ROBO2: variants seen among roughly 807,000 people sequenced by gnomAD.
ROBO2 encodes roundabout guidance receptor 2.
Under a neutral mutation model 160.8 loss-of-function variants are expected in ROBO2, and 53 were observed. That is an observed-to-expected ratio of 0.33 (90% CI 0.26 to 0.41). The LOEUF (loss-of-function observed/expected upper bound fraction) is 0.41. Ranked by LOEUF, ROBO2 falls within the 10% of genes least tolerant of loss-of-function variation. The pLI is 1.00. For synonymous variants in ROBO2, 664 were observed against 611.7 expected, an observed-to-expected ratio of 1.09 and a Z score of -1.26; for missense variants, 1,577 against 1,722.4, an observed-to-expected ratio of 0.92 and a Z score of 1.49.
intron 2 of ROBO2, among the ~76,000 whole-genome samples, chr3:77,218,430 A>T (rs1367094846): frequency 6.7e-6 from 1 of 149,166 alleles, no homozygotes; most frequent in South Asian, 2.1e-4. Context: ...GCTTGAGTGC[A>T]GTGGCGTGAT....
Position 76,934,958 on chromosome 3 carries a change from A to ATTTTT in ROBO2, c.110-163056_110-163055insTTTTT, listed in dbSNP as rs151316771. Among the ~76,000 whole-genome samples, 1,052 of 146,740 alleles carry ATTTTT rather than the reference A, an allele frequency of 7.2e-3. 33 individuals carry two copies. The highest frequency in any genetic ancestry group is 0.022 in the African/African-American group (858 of 39,546). On this transcript the variant is annotated intron_variant, in intron 2 of 26. Coordinates refer to the ROBO2 transcript ENST00000487694. Reference sequence around the variant, plus strand: ...TTTTGAAATAATTTCAGGCTTCACAAATTTTTTTTTTTTTAGACCATCTCA... The same window carrying ATTTTT: ...TTTTGAAATAATTTCAGGCTTCACAATTTTTATTTTTTTTTTTTTAGACCATCTCA...
chr3:76,484,345 A>G (rs2079375245), intron 2 of ROBO2, among the ~76,000 whole-genome samples: 2 of 152,164 alleles, frequency 1.3e-5, no homozygotes, highest in Non-Finnish European at 2.9e-5. Flanking sequence ...TGTGCTTTTA[A>G]AATAAGCTTA....
intron 2 of ROBO2, among the ~76,000 whole-genome samples, chr3:76,204,754 C>A (rs187772473): frequency 1.3e-5 from 2 of 152,252 alleles, no homozygotes; most frequent in East Asian, 3.9e-4. Context: ...AATCTGAGTT[C>A]ATCTTGCAGA....
Position 76,938,837 on chromosome 3 carries a change from G to A in ROBO2, c.110-159177G>A, listed in dbSNP as rs1159288906. Among the ~76,000 whole-genome samples, 3 of 152,128 alleles carry A rather than the reference G, an allele frequency of 2.0e-5. No homozygotes were observed. In the East Asian group the frequency reaches 5.8e-4, roughly 30 times the overall value. ...ACACAAAAAATTAGCCGGGCGTGGT[G>A]GCGCATGCCTGTAATCCCAGCTACT... On this transcript the variant is annotated intron_variant, in intron 2 of 26. Transcript: ENST00000487694.
At chr3:76,086,797 A>T (rs1234151276) in intron 2 of ROBO2, among the ~76,000 whole-genome samples, 2 of 152,172 alleles carry the variant, frequency 1.3e-5, no homozygotes, top group Non-Finnish European at 2.9e-5. Flanking sequence ...TAATAGAAAA[A>T]GTAAACAACT....
At chr3:77,330,593 T>C (rs1410339986) in intron 2 of ROBO2, among the ~76,000 whole-genome samples, 1 of 152,118 alleles carries the variant, frequency 6.6e-6, no homozygotes, top group East Asian at 1.9e-4. Flanking sequence ...GCTGAGAGGG[T>C]GAAGTAAAGA....
chr3:77,180,389 T>TCC, intron 2 of ROBO2, among the ~76,000 whole-genome samples: 1 of 58,362 alleles, frequency 1.7e-5, no homozygotes, highest in African/African-American at 7.5e-5. Flanking sequence ...CCTTTTGAAT[T>TCC]CTCTCTCTCT....
At chr3:75,977,293 C>T (rs547402944) in intron 2 of ROBO2, among the ~76,000 whole-genome samples, 76 of 151,460 alleles carry the variant, frequency 5.0e-4, no homozygotes, top group African/African-American at 1.6e-3. Context: ...ACACCAAACA[C>T]ATAGCTAAAA....
intron 5 of ROBO2, among the ~76,000 whole-genome samples, chr3:77,513,751 G>A (rs1250675920): frequency 6.6e-6 from 1 of 151,682 alleles, no homozygotes; most frequent in Non-Finnish European, 1.5e-5. Flanking sequence ...AAAACACAGA[G>A]CTTCTTTTCC....
At chr3:77,640,142 C>T (rs1433521704) in intron 24 of ROBO2, among the ~76,000 whole-genome samples, 7 of 109,672 alleles carry the variant, frequency 6.4e-5, no homozygotes, top group Non-Finnish European at 1.2e-4. Flanking sequence ...GACGGAGTCT[C>T]GCTCTATCCG....
chr3:75,957,097 G>A (rs1202946411), intron 2 of ROBO2, among the ~76,000 whole-genome samples: 3 of 151,350 alleles, frequency 2.0e-5, no homozygotes, highest in Non-Finnish European at 3.0e-5. Flanking sequence ...AGTGTGCAAG[G>A]CCTACAAATA....
At chr3:77,282,645 G>A (rs1181756892) in intron 2 of ROBO2, among the ~76,000 whole-genome samples, 2 of 152,170 alleles carry the variant, frequency 1.3e-5, no homozygotes, top group African/African-American at 4.8e-5. Flanking sequence ...TAAGTTTACT[G>A]TAAAATGAAT....
intron 2 of ROBO2, among the ~76,000 whole-genome samples, chr3:77,439,715 C>T (rs553600440): frequency 4.6e-5 from 7 of 152,192 alleles, no homozygotes; most frequent in Admixed American, 3.9e-4. Flanking sequence ...TTTGACAGTC[C>T]CATGTCCTTC....
At chr3:77,355,931 A>T (rs999426257) in intron 2 of ROBO2, among the ~76,000 whole-genome samples, 1 of 152,006 alleles carries the variant, frequency 6.6e-6, no homozygotes, top group Non-Finnish European at 1.5e-5. Flanking sequence ...ATCCAAAAAA[A>T]AAAAAATGGG....
chr3:76,327,802 C>G (rs895763724), intron 2 of ROBO2, among the ~76,000 whole-genome samples: 4 of 151,788 alleles, frequency 2.6e-5, no homozygotes, highest in African/African-American at 9.7e-5. Context: ...GGATGTCATG[C>G]TTTTTGAAAT....
At chr3:76,096,834 T>A in intron 2 of ROBO2, among the ~76,000 whole-genome samples, 1 of 152,168 alleles carries the variant, frequency 6.6e-6, no homozygotes, top group East Asian at 1.9e-4. Flanking sequence ...GACGAGTTAA[T>A]GAACATCCAC....
intron 2 of ROBO2, among the ~76,000 whole-genome samples, chr3:76,959,978 T>C (rs59397411): frequency 3.4e-4 from 52 of 152,258 alleles, no homozygotes; most frequent in African/African-American, 1.0e-3. Context: ...GATTTTTATA[T>C]ATTTTTCTTG....
intron 2 of ROBO2, among the ~76,000 whole-genome samples, chr3:76,564,917 T>C (rs907039263): frequency 1.3e-5 from 2 of 152,200 alleles, no homozygotes; most frequent in African/African-American, 4.8e-5. Context: ...AGATTTACTT[T>C]GTAAAAATTG....
intron 2 of ROBO2, among the ~76,000 whole-genome samples, chr3:76,803,710 G>C (rs1313841313): frequency 6.6e-6 from 1 of 152,032 alleles, no homozygotes; most frequent in African/African-American, 2.4e-5. Flanking sequence ...GACCAGGACC[G>C]TATCTTGTAT....
Sources: allele counts gnomAD v4.1 joint callset (sites outside exome capture counted in the v4.1 genomes callset), GRCh38; gene constraint gnomAD v4.1.1; transcripts MANE v1.5; gene names NCBI Gene and HGNC (gene_info 2026-07-23, HGNC 2026-07-21).